The following GNG7 variants were observed in gnomAD, a reference collection of about 807,000 sequenced individuals.
GNG7 encodes guanine nucleotide-binding protein G(I)/G(S)/G(O) subunit gamma-7.
A neutral mutation model predicts 4.0 loss-of-function variants in GNG7; 1 was observed. The observed-to-expected ratio is 0.25, with a 90% CI of 0.09 to 1.18. The LOEUF (loss-of-function observed/expected upper bound fraction) is 1.18. Among genes scored for constraint, GNG7 ranks in the 50% most tolerant of loss-of-function variants. GNG7 has a pLI of 0.50. For synonymous variants in GNG7, 34 were observed against 36.9 expected, an observed-to-expected ratio of 0.92 and a Z score of 0.29; for missense variants, 86 against 91.9, an observed-to-expected ratio of 0.94 and a Z score of 0.26.
At chr19:2,518,917 T>G (rs946486874) in intron 4 of GNG7, among the ~76,000 whole-genome samples, 2 of 151,930 alleles carry the variant, frequency 1.3e-5, no homozygotes, top group African/African-American at 4.8e-5. Context: ...TGACTCAGTC[T>G]CCCAAGTAGC....
chr19:2,659,608 A>AG (rs1168357802), intron 1 of GNG7, among the ~76,000 whole-genome samples: 1 of 142,974 alleles, frequency 7.0e-6, no homozygotes, highest in African/African-American at 2.7e-5. Context: ...AAAAAAAAAA[A>AG]AAAGAGAGGA....
intron 2 of GNG7, among the ~76,000 whole-genome samples, chr19:2,607,293 A>G (rs1599418806): frequency 6.6e-6 from 1 of 151,398 alleles, no homozygotes; most frequent in African/African-American, 2.4e-5. Context: ...CGAGGCAGGC[A>G]GATCATCTGA....
intron 4 of GNG7, among the ~76,000 whole-genome samples, chr19:2,517,995 CCTG>C (rs1978291557): frequency 6.6e-6 from 1 of 152,196 alleles, no homozygotes; most frequent in African/African-American, 2.4e-5. Flanking sequence ...TCGGACCTGG[CCTG>C]CTTTCTAGAC....
rs1599443638 is a variant in GNG7, at chr19:2,653,278, A to C, written c.-134-6998T>G. ...ATCTCCAAGCAGCGCCCAAGGACAC[A>C]AACAGCCAGACCCTCAGCTCCCAAA... On this transcript the variant is annotated intron_variant, in intron 1 of 4. Transcript: ENST00000382159. The surrounding 1 kb of genome is among the most constrained non-coding windows in gnomAD (Gnocchi z 4.8). Among the ~76,000 whole-genome samples, 2 of 152,178 alleles carry C rather than the reference A, an allele frequency of 1.3e-5. No homozygotes were observed. Among genetic ancestry groups the C allele is most frequent in the Non-Finnish European group, 2.9e-5 (2 of 68,034 alleles).
intron 3 of GNG7, among the ~76,000 whole-genome samples, chr19:2,552,849 C>T (rs1568240600): frequency 9.7e-6 from 1 of 103,072 alleles, no homozygotes; most frequent in African/African-American, 3.6e-5. Context: ...CCTCCCGGCT[C>T]CACCCCCCCC....
At chr19:2,549,841 C>T (rs1979258951) in intron 3 of GNG7, among the ~76,000 whole-genome samples, 1 of 152,206 alleles carries the variant, frequency 6.6e-6, no homozygotes, top group South Asian at 2.1e-4. Flanking sequence ...TTCCTTGTGA[C>T]AGTGAGTTCG....
At chr19:2,574,848 C>T (rs111254128) in intron 2 of GNG7, among the ~76,000 whole-genome samples, 20 of 152,310 alleles carry the variant, frequency 1.3e-4, no homozygotes, top group Middle Eastern at 3.4e-3. Context: ...TCTGTTTCTC[C>T]ATCTCCTCTC....
intron 1 of GNG7, among the ~76,000 whole-genome samples, chr19:2,674,737 G>T (rs540894865): frequency 6.6e-6 from 1 of 152,288 alleles, no homozygotes; most frequent in East Asian, 1.9e-4. Flanking sequence ...CGTCTGGCCT[G>T]CAAGGTGACT....
At chr19:2,620,126 G>A (rs1375588277) in intron 2 of GNG7, among the ~76,000 whole-genome samples, 4 of 150,450 alleles carry the variant, frequency 2.7e-5, no homozygotes, top group Non-Finnish European at 5.9e-5. Context: ...GAACCCGGGA[G>A]GTAGAGGTTG....
chr19:2,660,617 A>G (rs1302026289), intron 1 of GNG7, among the ~76,000 whole-genome samples: 1 of 151,974 alleles, frequency 6.6e-6, no homozygotes, highest in Non-Finnish European at 1.5e-5. Flanking sequence ...ACACCCCACC[A>G]CCATCTGTAC....
intron 1 of GNG7, among the ~76,000 whole-genome samples, chr19:2,677,039 A>C (rs1229725273): frequency 5.3e-5 from 8 of 152,152 alleles, no homozygotes; most frequent in African/African-American, 1.2e-4. Context: ...AAGGGACTCC[A>C]TATCTTTACT....
intron 1 of GNG7, among the ~76,000 whole-genome samples, chr19:2,659,056 A>G (rs1165210855): frequency 5.4e-5 from 8 of 147,876 alleles, no homozygotes; most frequent in Admixed American, 2.0e-4. Context: ...TGCAAGCTCC[A>G]CCTCCCGGGT....
At chr19:2,594,530 G>A (rs1980957723) in intron 2 of GNG7, among the ~76,000 whole-genome samples, 1 of 152,136 alleles carries the variant, frequency 6.6e-6, no homozygotes, top group Non-Finnish European at 1.5e-5. Context: ...GCCAGGACGA[G>A]GTCTCTCTGA....
rs1979566943 is a variant in GNG7 at position 2,557,020 on chromosome 19, C to T, written c.-77-1832G>A. 9.9e-6 allele frequency among the ~76,000 whole-genome samples: 1 copy of T among 101,350 alleles called. No homozygotes were observed. The allele number at this position is 101,350 out of a possible 152,430, so 66.5% of individuals were successfully genotyped here. ...GCCTCCCCTCCCACCTCTACACACA[C>T]ACACGCACACACAGACACACGCACA... On this transcript the variant is annotated intron_variant, in intron 2 of 4. Coordinates refer to ENST00000382159, the MANE Select transcript of GNG7 (RefSeq NM_052847.3). This position sits in a 1 kb window ranked among gnomAD's most constrained non-coding sequence, Gnocchi z 5.1.
In GNG7 at chr19:2,557,066, C is replaced by T. The variant is rs1170156764; in HGVS notation, c.-77-1878G>A. ...GCACACTCACACACATATGCACGCA[C>T]ACAGACACACGCACACACGTGCACA... On this transcript the variant is annotated intron_variant, in intron 2 of 4. Coordinates refer to ENST00000382159, the MANE Select transcript of GNG7 (RefSeq NM_052847.3). This position sits in a 1 kb window ranked among gnomAD's most constrained non-coding sequence, Gnocchi z 5.1. Among the ~76,000 whole-genome samples the T allele has an allele frequency of 1.1e-5, 1 of 93,268 alleles. No homozygotes were observed. Among genetic ancestry groups the T allele is most frequent in the Non-Finnish European group, 2.6e-5 (1 of 39,104 alleles). 61.2% of individuals were successfully genotyped at this position (93,268 alleles called of 152,430 possible).
intron 2 of GNG7, among the ~76,000 whole-genome samples, chr19:2,623,103 C>T (rs1360978053): frequency 1.3e-5 from 2 of 152,180 alleles, no homozygotes; most frequent in African/African-American, 4.8e-5. Context: ...GCTGTAGTAT[C>T]AAACCCAGAA....
chr19:2,701,398 AACTC>A (rs917584969), intron 1 of GNG7: 7 of 141,294 alleles, frequency 5.0e-5, no homozygotes, highest in African/African-American at 1.9e-4. Flanking sequence ...CCTTCTCACT[AACTC>A]ACCCCAACTT....
At chr19:2,612,437 T>C (rs1981597318) in intron 2 of GNG7, among the ~76,000 whole-genome samples, 1 of 152,010 alleles carries the variant, frequency 6.6e-6, no homozygotes, top group African/African-American at 2.4e-5. Context: ...GTCTGGGACC[T>C]GGGCATTTCA....
At chr19:2,627,566 G>A (rs376759205) in intron 2 of GNG7, among the ~76,000 whole-genome samples, 6 of 152,214 alleles carry the variant, frequency 3.9e-5, no homozygotes, top group East Asian at 3.8e-4. Flanking sequence ...TGTCACTCCC[G>A]GCTGATTCTG....
Sources: allele counts gnomAD v4.1 joint callset (sites outside exome capture counted in the v4.1 genomes callset), GRCh38; gene constraint gnomAD v4.1.1; non-coding constraint Gnocchi (gnomAD v3.1); transcripts MANE v1.5; gene names NCBI Gene and HGNC (gene_info 2026-07-23, HGNC 2026-07-21).